Variants in SPRR2B observed in about 807,000 individuals in gnomAD.
SPRR2B encodes the protein small proline-rich protein 2B.
In SPRR2B, 1 loss-of-function variant was observed where a neutral mutation model predicts 1.0. The observed-to-expected ratio is 1.01, with a 90% CI of 0.36 to 4.77. SPRR2B has a LOEUF of 4.77. Among genes scored for constraint, SPRR2B ranks in the 30% most tolerant of loss-of-function variants. The pLI, the probability that SPRR2B is intolerant of heterozygous loss-of-function variation, is 0.16. For synonymous variants in SPRR2B, 27 were observed against 33.4 expected (o/e 0.81, Z 0.66); for missense variants, 53 against 88.7 (o/e 0.60, Z 1.62).
chr1:153,073,789 C>T (rs904473459), upstream of SPRR2B, among the ~76,000 whole-genome samples: 2 of 151,878 alleles, frequency 1.3e-5, no homozygotes, highest in Non-Finnish European at 2.9e-5. Flanking sequence ...GCTTTATCTT[C>T]TTTAAGAGTC....
At chr1:153,076,170 A>G (rs1654764399), upstream of SPRR2B, among the ~76,000 whole-genome samples, 2 of 152,200 alleles carry the variant, frequency 1.3e-5, no homozygotes, top group African/African-American at 4.8e-5. Flanking sequence ...TAAATATCAC[A>G]TTCCTTCTGC....
chr1:153,079,616 T>C, the SPRR2B span, among the ~76,000 whole-genome samples: 1 of 152,010 alleles, frequency 6.6e-6, no homozygotes, highest in Non-Finnish European at 1.5e-5. Flanking sequence ...ATTTATTAAA[T>C]AAGGAATCCT....
At chr1:153,084,439 A>G in the SPRR2B span, among the ~76,000 whole-genome samples, 45 of 152,158 alleles carry the variant, frequency 3.0e-4, no homozygotes, top group Non-Finnish European at 5.7e-4. Context: ...TAGGCACTGG[A>G]AACAGTGGAA....
the SPRR2B span, among the ~76,000 whole-genome samples, chr1:153,084,895 C>T: frequency 6.6e-6 from 1 of 152,194 alleles, no homozygotes; most frequent in South Asian, 2.1e-4. Context: ...AGAGTTATGG[C>T]ATGCAGTCCA....
the SPRR2B span, among the ~76,000 whole-genome samples, chr1:153,079,695 G>C: frequency 6.6e-6 from 1 of 152,048 alleles, no homozygotes; most frequent in African/African-American, 2.4e-5. Flanking sequence ...CATTATTTCT[G>C]AGGGCTCTGT....
chr1:153,078,960 C>CTAG, the SPRR2B span, among the ~76,000 whole-genome samples: 1,465 of 152,300 alleles, frequency 9.6e-3, 34 homozygotes, highest in African/African-American at 0.034. Context: ...AATCGTTGAA[C>CTAG]TAGTTTACAG....
the SPRR2B span, among the ~76,000 whole-genome samples, chr1:153,084,842 C>A: frequency 2.0e-5 from 3 of 152,220 alleles, no homozygotes; most frequent in East Asian, 3.9e-4. Context: ...ATTCCTAACC[C>A]GGGGGAGCCA....
At chr1:153,086,475 CCTAA>C in the SPRR2B span, among the ~76,000 whole-genome samples, 3 of 152,158 alleles carry the variant, frequency 2.0e-5, no homozygotes, top group Non-Finnish European at 4.4e-5. Context: ...AACAAGACAA[CCTAA>C]CTATCTTAAA....
the SPRR2B span, among the ~76,000 whole-genome samples, chr1:153,084,343 G>A: frequency 6.6e-6 from 1 of 152,078 alleles, no homozygotes; most frequent in Non-Finnish European, 1.5e-5. Context: ...TCTCCCTGGT[G>A]ATGGCCATTG....
the SPRR2B span, among the ~76,000 whole-genome samples, chr1:153,080,085 G>C: frequency 6.6e-6 from 1 of 151,426 alleles, no homozygotes; most frequent in African/African-American, 2.4e-5. Flanking sequence ...CTTCAAAGAT[G>C]TGTGTATTGA....
chr1:153,076,764 C>T, the SPRR2B span, among the ~76,000 whole-genome samples: 1 of 152,118 alleles, frequency 6.6e-6, no homozygotes, highest in African/African-American at 2.4e-5. Context: ...ATTATAGCAG[C>T]TTTAGTCATA....
At chr1:153,084,299 G>A in the SPRR2B span, among the ~76,000 whole-genome samples, 3 of 152,070 alleles carry the variant, frequency 2.0e-5, no homozygotes, top group Non-Finnish European at 2.9e-5. Flanking sequence ...ATCCTGCCCT[G>A]TCACTGCTGC....
upstream of SPRR2B, among the ~76,000 whole-genome samples, chr1:153,073,622 A>T (rs1276453989): frequency 1.3e-5 from 2 of 152,016 alleles, no homozygotes; most frequent in African/African-American, 4.8e-5. Flanking sequence ...CATAACATGA[A>T]GAGGAGCAGC....
chr1:153,075,628 C>T (rs1381180196), upstream of SPRR2B, among the ~76,000 whole-genome samples: 1 of 152,156 alleles, frequency 6.6e-6, no homozygotes, highest in Non-Finnish European at 1.5e-5. Context: ...GTATTTAGCA[C>T]AGGCTACAGA....
chr1:153,081,267 C>T, the SPRR2B span, among the ~76,000 whole-genome samples: 1 of 152,096 alleles, frequency 6.6e-6, no homozygotes, highest in African/African-American at 2.4e-5. Context: ...AAATTATAAT[C>T]AAATTATCAA....
At chr1:153,077,422 T>A in the SPRR2B span, among the ~76,000 whole-genome samples, 1 of 152,202 alleles carries the variant, frequency 6.6e-6, no homozygotes, top group African/African-American at 2.4e-5. Context: ...CTGATAAATG[T>A]ACACTGGTAC....
the SPRR2B span, among the ~76,000 whole-genome samples, chr1:153,077,551 T>C: frequency 6.6e-6 from 1 of 151,838 alleles, no homozygotes; most frequent in Non-Finnish European, 1.5e-5. Flanking sequence ...TCACGATGTA[T>C]AGAGATGTAA....
At chr1:153,072,165 T>A (rs1468631678), upstream of SPRR2B, among the ~76,000 whole-genome samples, 3 of 152,196 alleles carry the variant, frequency 2.0e-5, no homozygotes, top group East Asian at 5.8e-4. Flanking sequence ...TGTTCAAGCC[T>A]GAAATTTTCT....
upstream of SPRR2B, among the ~76,000 whole-genome samples, chr1:153,074,665 A>G (rs1292824438): frequency 6.6e-6 from 1 of 152,270 alleles, no homozygotes; most frequent in Admixed American, 6.5e-5. Context: ...AACATATGAA[A>G]CAATATATTA....
Sources: gnomAD v4.1 joint callset for allele counts (sites outside exome capture counted in the v4.1 genomes callset) on GRCh38, gnomAD v4.1.1 for gene constraint, MANE v1.5 for transcripts, NCBI Gene and HGNC (gene_info 2026-07-23, HGNC 2026-07-21) for gene names.